RHBDF2: variants seen among roughly 807,000 people sequenced by gnomAD.
RHBDF2 encodes the protein rhomboid 5 homolog 2.
RHBDF2 carries 38 observed loss-of-function variants against 95.2 expected under a neutral mutation model. That is an observed-to-expected ratio of 0.40 (90% confidence interval 0.31 to 0.52). RHBDF2 has a LOEUF of 0.52. Among genes scored for constraint, RHBDF2 ranks in the 20% least tolerant of loss-of-function variants. The pLI is 0.56. For synonymous variants in RHBDF2, 442 were observed against 462.0 expected (o/e 0.96, Z 0.55); for missense variants, 863 against 1,137.7 (o/e 0.76, Z 3.47).
At chr17:76,485,576 AGAGT>A (rs2074103970) in intron 2 of RHBDF2, among the ~76,000 whole-genome samples, 1 of 152,198 alleles carries the variant, frequency 6.6e-6, no homozygotes, top group Non-Finnish European at 1.5e-5. Context: ...CCTGGGCGAC[AGAGT>A]GAGACTCCGT....
At chr17:76,493,753 G>A (rs575807722) in intron 1 of RHBDF2, among the ~76,000 whole-genome samples, 13 of 152,314 alleles carry the variant, frequency 8.5e-5, no homozygotes, top group African/African-American at 1.4e-4. Flanking sequence ...CCACTCCGCC[G>A]GTACACGCTT....
intron 4 of RHBDF2, 188 bp downstream of exon 4, chr17:76,479,545 T>C (rs886697028): frequency 2.0e-5 from 15 of 739,604 alleles, no homozygotes; most frequent in Non-Finnish European, 3.3e-5. Context: ...CACCGTGATA[T>C]TCCGCAAAGC....
chr17:76,474,979 G>A, intron 10 of RHBDF2, 51 bp downstream of exon 10: 1 of 1,482,860 alleles, frequency 6.7e-7, no homozygotes, highest in East Asian at 2.4e-5. Flanking sequence ...ACGACACTGA[G>A]GCCTCCTAGG....
chr17:76,492,715 G>A (rs2074334476), intron 1 of RHBDF2, among the ~76,000 whole-genome samples: 1 of 152,226 alleles, frequency 6.6e-6, no homozygotes. Flanking sequence ...TGCTAATGAA[G>A]GGTGCAGTCC....
Position 76,478,809 on chromosome 17 carries a change from G to A in RHBDF2, c.669C>T (p.Leu223=), listed in dbSNP as rs1292747550. The A allele has an allele frequency of 1.2e-6, 2 of 1,611,502 alleles. No homozygotes were observed. Among genetic ancestry groups the A allele is most frequent in the Non-Finnish European group, 8.5e-7 (1 of 1,178,860 alleles). Residue 223 remains leucine (L), a synonymous_variant, in exon 6 of 19, where the codon CTC becomes CTT. Transcript: ENST00000675367. ...HMSLQAAAAL[L]KGRSVLDATG... Reference sequence around the variant, plus strand: ...CCTGCAGGAGGGAGCCCCGCACCTTGAGGAGGGCAGCGGCAGCTTGCAAGC... The same window carrying A: ...CCTGCAGGAGGGAGCCCCGCACCTTAAGGAGGGCAGCGGCAGCTTGCAAGC...
intron 3 of RHBDF2, among the ~76,000 whole-genome samples, chr17:76,480,787 G>A (rs1210643418): frequency 6.6e-6 from 1 of 152,146 alleles, no homozygotes; most frequent in Non-Finnish European, 1.5e-5. Flanking sequence ...GCACCATGAC[G>A]CTCCTGCCTG....
intron 1 of RHBDF2, among the ~76,000 whole-genome samples, chr17:76,498,858 CTGTGTGTCTGTTTG>C (rs2074504846): frequency 2.3e-5 from 3 of 128,076 alleles, no homozygotes; most frequent in Admixed American, 7.9e-5. Flanking sequence ...GTGTGTGTCT[CTGTGTGTCTGTTTG>C]TGTGTGTCTG....
At chr17:76,496,466 A>C (rs1396378975) in intron 1 of RHBDF2, among the ~76,000 whole-genome samples, 1 of 152,230 alleles carries the variant, frequency 6.6e-6, no homozygotes, top group East Asian at 1.9e-4. Flanking sequence ...GGTGAGGGGC[A>C]GGAGAAAAAG....
intron 1 of RHBDF2, among the ~76,000 whole-genome samples, chr17:76,492,734 C>T (rs2074334824): frequency 6.6e-6 from 1 of 152,192 alleles, no homozygotes; most frequent in Non-Finnish European, 1.5e-5. Context: ...CCCCACAAGC[C>T]CTGGGCTCTA....
In RHBDF2 at chr17:76,477,925, T is replaced by C. The variant is rs2073827237; in HGVS notation, c.673-140A>G. 5 of 1,334,518 alleles carry C rather than the reference T, an allele frequency of 3.7e-6. No homozygotes were observed. In the South Asian group the frequency reaches 4.4e-5, roughly 12 times the overall value. 82.7% of individuals were successfully genotyped at this position (1,334,518 alleles called of 1,614,324 possible). A position where few individuals can be genotyped will look rare whatever the true frequency, so the allele number is the denominator to read the frequency against. On this transcript the variant is annotated intron_variant, in intron 6 of 18. Coordinates refer to ENST00000675367, the MANE Select transcript of RHBDF2 (RefSeq NM_001005498.4). ...AGGGATCCTGCCCAAAGCGTGGAGA[T>C]TCTGCAAGCTGAACGGGCAAGAGGA...
intron 4 of RHBDF2, 88 bp downstream of exon 4, chr17:76,479,645 G>A: frequency 4.0e-6 from 4 of 1,005,626 alleles, no homozygotes; most frequent in Admixed American, 4.1e-5. Flanking sequence ...GAGAGGGGAC[G>A]CAGGGACCAG....
intron 1 of RHBDF2, among the ~76,000 whole-genome samples, chr17:76,492,095 G>A (rs993645954): frequency 6.6e-6 from 1 of 152,232 alleles, no homozygotes; most frequent in Non-Finnish European, 1.5e-5. Flanking sequence ...CAACCCCAGA[G>A]AAGGGCCTTC....
chr17:76,473,087 C>G lies in RHBDF2; in HGVS notation c.1828G>C (p.Val610Leu). 1 of 1,614,064 alleles carries G rather than the reference C, an allele frequency of 6.2e-7. No individual in the cohort carries two copies. ...LCSQVHCLDKVCGLLPFLNPE... is the reference protein window; with the variant it reads ...LCSQVHCLDKLCGLLPFLNPE... ...TTGAGGAAGGGCAGCAGCCCACACA[C>G]CTTGTCCAAGCAGTGCACCTGGGAG... The change falls in exon 17 of 19, where the codon GTG (valine) becomes CTG (leucine). Residue 610 changes from valine (V) to leucine (L), a missense_variant. Coordinates refer to ENST00000675367, the MANE Select transcript of RHBDF2 (RefSeq NM_001005498.4).
intron 1 of RHBDF2, among the ~76,000 whole-genome samples, chr17:76,491,887 C>T (rs992169372): frequency 6.6e-6 from 1 of 152,220 alleles, no homozygotes; most frequent in Non-Finnish European, 1.5e-5. Flanking sequence ...GCTGGAGCTA[C>T]CCCACCCAGC....
At chr17:76,500,516 C>A (rs1488675703) in intron 1 of RHBDF2, among the ~76,000 whole-genome samples, 1 of 152,166 alleles carries the variant, frequency 6.6e-6, no homozygotes, top group Non-Finnish European at 1.5e-5. Flanking sequence ...GCAACAGCAG[C>A]CTCTCCCCAA....
intron 6 of RHBDF2, 39 bp from the exon 7 acceptor site, chr17:76,477,824 C>T (rs146558518): frequency 4.6e-5 from 74 of 1,598,594 alleles, no homozygotes; most frequent in Non-Finnish European, 6.0e-5. Context: ...GGACCACAGC[C>T]TGGCCACCTA....
At chr17:76,477,844 C>A in intron 6 of RHBDF2, 59 bp from the exon 7 acceptor site, 5 of 1,586,058 alleles carry the variant, frequency 3.2e-6, no homozygotes, top group Non-Finnish European at 4.3e-6. Flanking sequence ...AGGCCCCCAG[C>A]CCCAACACCG....
At chr17:76,472,415 A>C in intron 18 of RHBDF2, 3 of 574,484 alleles carry the variant, frequency 5.2e-6, no homozygotes, top group South Asian at 2.1e-5. Context: ...CTACCGCTCG[A>C]CCTGCAGATA....
At chr17:76,477,838 C>T in intron 6 of RHBDF2, 53 bp from the exon 7 acceptor site, 1 of 1,590,434 alleles carries the variant, frequency 6.3e-7, no homozygotes, top group African/African-American at 1.3e-5. Flanking sequence ...CCACCTAGGC[C>T]CCCAGCCCCA....
Sources: gnomAD v4.1 joint callset for allele counts (sites outside exome capture counted in the v4.1 genomes callset) on GRCh38, gnomAD v4.1.1 for gene constraint, MANE v1.5 for transcripts, NCBI Gene and HGNC (gene_info 2026-07-23, HGNC 2026-07-21) for gene names.